Variants in CAMK1D observed in about 807,000 individuals in gnomAD.
CAMK1D encodes the protein calcium/calmodulin-dependent protein kinase type 1D.
CAMK1D carries 9 observed loss-of-function variants against 47.7 expected under a neutral mutation model. The ratio of observed to expected loss-of-function variants is 0.19; its 90% CI spans 0.11 to 0.33. The LOEUF (loss-of-function observed/expected upper bound fraction) is 0.33. CAMK1D is among the 10% of genes least tolerant of loss of function. CAMK1D has a pLI of 1.00. For missense variants in CAMK1D, 291 were observed against 488.7 expected, an observed-to-expected ratio of 0.60 and a Z score of 3.81; for synonymous variants, 184 against 184.9, an observed-to-expected ratio of 0.99 and a Z score of 0.04.
intron 1 of CAMK1D, among the ~76,000 whole-genome samples, chr10:12,499,384 T>A (rs993574737): frequency 6.6e-6 from 1 of 151,928 alleles, no homozygotes. Flanking sequence ...AATCCATATC[T>A]GCATGCATAT....
Position 12,525,535 on chromosome 10 carries a change from A to G in CAMK1D, c.93-27690A>G, listed in dbSNP as rs148348440. Among the ~76,000 whole-genome samples, 1,136 of 152,184 alleles carry G rather than the reference A, an allele frequency of 7.5e-3. 31 individuals are homozygous for G. Among genetic ancestry groups the G allele is most frequent in the East Asian group, 0.046 (240 of 5,186 alleles). Reference sequence around the variant, plus strand: ...CTAGTGAATTTTTAAAAAAATTTCAATTATTCTGTGTTTCAAGTCTAAAAT... The same window carrying G: ...CTAGTGAATTTTTAAAAAAATTTCAGTTATTCTGTGTTTCAAGTCTAAAAT... On this transcript the variant is annotated intron_variant, in intron 1 of 10. Transcript: ENST00000619168.
chr10:12,557,288 G>A (rs532926725), intron 2 of CAMK1D, among the ~76,000 whole-genome samples: 69 of 152,268 alleles, frequency 4.5e-4, no homozygotes, highest in African/African-American at 1.6e-3. Context: ...CACGGCTCAC[G>A]CCTGTAATCC....
intron 1 of CAMK1D, among the ~76,000 whole-genome samples, chr10:12,390,054 A>G (rs539085642): frequency 3.3e-5 from 5 of 152,108 alleles, no homozygotes; most frequent in African/African-American, 9.6e-5. Flanking sequence ...TAATTTGAGG[A>G]CATGTGCATG....
intron 5 of CAMK1D, among the ~76,000 whole-genome samples, chr10:12,784,677 G>A (rs1429122045): frequency 6.6e-6 from 1 of 152,218 alleles, no homozygotes; most frequent in Non-Finnish European, 1.5e-5. Flanking sequence ...ATTGGCAGTT[G>A]CTTCCATTCC....
At chr10:12,650,528 T>C (rs1195284317) in intron 2 of CAMK1D, among the ~76,000 whole-genome samples, 3 of 152,254 alleles carry the variant, frequency 2.0e-5, no homozygotes, top group Admixed American at 2.0e-4. Flanking sequence ...CTGTGTTTTA[T>C]GAAGCCTAGG....
rs150754157 is a variant in CAMK1D at position 12,621,106 on chromosome 10, A to G, written c.225-45630A>G. Reference sequence around the variant, plus strand: ...TATCAAAACTCATTTGGGCTTAGACATATGGGTTTATTTCTGTGTTCTCTA... The same window carrying G: ...TATCAAAACTCATTTGGGCTTAGACGTATGGGTTTATTTCTGTGTTCTCTA... On this transcript the variant is annotated intron_variant, in intron 2 of 10. Coordinates refer to ENST00000619168, the MANE Select transcript of CAMK1D (RefSeq NM_153498.4). Among the ~76,000 whole-genome samples, 678 of 152,340 alleles carry G rather than the reference A, an allele frequency of 4.5e-3. 5 individuals are homozygous for G. The highest frequency in any genetic ancestry group is 0.034 in the Middle Eastern group (10 of 294).
intron 3 of CAMK1D, among the ~76,000 whole-genome samples, chr10:12,722,801 C>G (rs372711840): frequency 2.0e-5 from 3 of 152,118 alleles, no homozygotes; most frequent in African/African-American, 7.2e-5. Context: ...TGGCCCTGAT[C>G]ACTAAAAAGG....
At chr10:12,350,110 G>A (rs1213941768) in intron 1 of CAMK1D, among the ~76,000 whole-genome samples, 200 bp downstream of exon 1, 5 of 151,932 alleles carry the variant, frequency 3.3e-5, no homozygotes, top group African/African-American at 1.2e-4. Flanking sequence ...CGCCGTTCCC[G>A]GGAGGGGGAG....
chr10:12,465,882 T>C (rs1833574887), intron 1 of CAMK1D, among the ~76,000 whole-genome samples: 2 of 152,194 alleles, frequency 1.3e-5, no homozygotes, highest in Admixed American at 6.5e-5. Flanking sequence ...TCTCTCTTTC[T>C]CTTTAGATTG....
chr10:12,359,550 C>T (rs1318061314), intron 1 of CAMK1D, among the ~76,000 whole-genome samples: 9 of 151,640 alleles, frequency 5.9e-5, no homozygotes, highest in African/African-American at 2.2e-4. Flanking sequence ...CTGCACCTCT[C>T]CCTGCACCCT....
intron 2 of CAMK1D, among the ~76,000 whole-genome samples, chr10:12,635,241 G>A (rs1839481817): frequency 6.6e-6 from 1 of 152,164 alleles, no homozygotes; most frequent in African/African-American, 2.4e-5. Flanking sequence ...GCCCAGGTCT[G>A]ACCCGGAATC....
At chr10:12,382,643 G>T (rs1226736052) in intron 1 of CAMK1D, among the ~76,000 whole-genome samples, 1 of 152,104 alleles carries the variant, frequency 6.6e-6, no homozygotes, top group African/African-American at 2.4e-5. Flanking sequence ...TGGGCAGCAT[G>T]GTAAAATCCC....
intron 1 of CAMK1D, among the ~76,000 whole-genome samples, chr10:12,457,333 G>A (rs1833281146): frequency 6.6e-6 from 1 of 151,922 alleles, no homozygotes; most frequent in African/African-American, 2.4e-5. Flanking sequence ...GGACGTTGCA[G>A]TGAGCCGAGA....
chr10:12,552,399 T>C (rs570538779), intron 1 of CAMK1D, among the ~76,000 whole-genome samples: 3 of 152,332 alleles, frequency 2.0e-5, no homozygotes, highest in Non-Finnish European at 1.5e-5. Flanking sequence ...CCACCTGCAA[T>C]ACCGCTCACA....
At chr10:12,774,110 C>T (rs1428800561) in intron 5 of CAMK1D, among the ~76,000 whole-genome samples, 1 of 151,998 alleles carries the variant, frequency 6.6e-6, no homozygotes, top group Admixed American at 6.6e-5. Flanking sequence ...AAGAATAAAA[C>T]ATAAAAATCC....
chr10:12,768,647 C>T (rs1364216645), intron 4 of CAMK1D, among the ~76,000 whole-genome samples: 3 of 151,770 alleles, frequency 2.0e-5, no homozygotes, highest in South Asian at 4.2e-4. Flanking sequence ...CGTCTCCCCC[C>T]GTGATAAATC....
intron 2 of CAMK1D, among the ~76,000 whole-genome samples, chr10:12,591,367 T>C (rs10732936): frequency 0.74 from 112,273 of 152,020 alleles, 42,342 homozygotes; most frequent in African/African-American, 0.89. Context: ...AGGCCAAATA[T>C]GCTCCCGTAA....
chr10:12,387,445 T>TTATATATTTTATATATTATA (rs1838558957), intron 1 of CAMK1D, among the ~76,000 whole-genome samples: 7 of 66,652 alleles, frequency 1.1e-4, no homozygotes, highest in East Asian at 8.4e-4. Context: ...TATATATATT[T>TTATATATTTTATATATTATA]TATATATATA....
Position 12,554,192 on chromosome 10 carries a change from C to T in CAMK1D, c.224+836C>T, listed in dbSNP as rs1030789158. Among the ~76,000 whole-genome samples the T allele has an allele frequency of 2.0e-5, 3 of 150,604 alleles. 1 individual carries two copies. Among genetic ancestry groups the T allele is most frequent in the Non-Finnish European group, 4.4e-5 (3 of 67,646 alleles). On this transcript the variant is annotated intron_variant, in intron 2 of 10. Transcript: ENST00000619168. ...TTTCCTTTCCTGACAGAATCTCGCTCTGTTGCCCAGGCTGGAGTACAATGG... is the reference window on the plus strand; with the variant it reads ...TTTCCTTTCCTGACAGAATCTCGCTTTGTTGCCCAGGCTGGAGTACAATGG...
Sources: allele counts gnomAD v4.1 joint callset (sites outside exome capture counted in the v4.1 genomes callset), GRCh38; gene constraint gnomAD v4.1.1; transcripts MANE v1.5; gene names NCBI Gene and HGNC (gene_info 2026-07-23, HGNC 2026-07-21).